ABCG2: variants seen among roughly 807,000 people sequenced by gnomAD.
ABCG2 encodes broad substrate specificity ATP-binding cassette transporter ABCG2.
A neutral mutation model predicts 73.5 loss-of-function variants in ABCG2; 80 were observed. That is an observed-to-expected ratio of 1.09 (90% confidence interval 0.91 to 1.31). The LOEUF (loss-of-function observed/expected upper bound fraction) is 1.31. Ranked by LOEUF, ABCG2 falls within the 50% of genes most tolerant of loss-of-function variation. The probability of loss-of-function intolerance (pLI) is 0.00; values close to 1 mark genes in which losing one functional copy is unlikely to be tolerated. For synonymous variants in ABCG2, 269 were observed against 282.4 expected, an observed-to-expected ratio of 0.95 and a Z score of 0.48; for missense variants, 796 against 786.2, an observed-to-expected ratio of 1.01 and a Z score of -0.15.
intron 15 of ABCG2, among the ~76,000 whole-genome samples, chr4:88,094,009 A>G (rs1721819583): frequency 6.6e-6 from 1 of 152,188 alleles, no homozygotes; most frequent in Non-Finnish European, 1.5e-5. Context: ...TAATTTAAAA[A>G]CAACAACACA....
intron 1 of ABCG2, among the ~76,000 whole-genome samples, chr4:88,148,519 C>T (rs930965807): frequency 3.9e-5 from 6 of 152,224 alleles, no homozygotes; most frequent in Non-Finnish European, 8.8e-5. Flanking sequence ...TCTGGAGGGT[C>T]CCTGACTGCA....
upstream of ABCG2, among the ~76,000 whole-genome samples, chr4:88,161,107 A>C (rs187648454): frequency 2.5e-3 from 376 of 152,092 alleles, 3 homozygotes; most frequent in African/African-American, 8.6e-3. Flanking sequence ...TGAGCCCAAG[A>C]ATTCGAGACA....
At chr4:88,128,338 T>C (rs1441205797) in intron 5 of ABCG2, among the ~76,000 whole-genome samples, 4 of 152,202 alleles carry the variant, frequency 2.6e-5, no homozygotes, top group African/African-American at 9.6e-5. Context: ...TGTAAATTAG[T>C]TCAACCATTG....
At chr4:88,106,276 TACAGAC>T (rs1722762829) in intron 10 of ABCG2, among the ~76,000 whole-genome samples, 1 of 152,180 alleles carries the variant, frequency 6.6e-6, no homozygotes. Flanking sequence ...TAGCTGGGAC[TACAGAC>T]ACATGCCACC....
chr4:88,203,944 A>G (rs1729282130), intron 1 of ABCG2, among the ~76,000 whole-genome samples: 1 of 152,168 alleles, frequency 6.6e-6, no homozygotes, highest in African/African-American at 2.4e-5. Context: ...TCTTAAAGCC[A>G]CAGCTGGACC....
Position 88,092,177 on chromosome 4 carries a change from T to G in ABCG2, c.*57A>C. ...CAACAAAAAAACTTGATTGAATACT[T>G]CAATCAAAGTGCTTCTTTTTTATGT... is the stretch of plus-strand genomic sequence containing the variant. On this transcript the variant is annotated 3_prime_UTR_variant, in exon 16 of 16. Transcript: ENST00000237612. The G allele has an allele frequency of 6.7e-7, 1 of 1,499,450 alleles. No individual in the cohort carries two copies. The highest frequency in any genetic ancestry group is 1.4e-5 in the African/African-American group (1 of 70,562). 92.9% of individuals were successfully genotyped at this position (1,499,450 alleles called of 1,614,324 possible).
chr4:88,126,020 A>C (rs1393525028), intron 5 of ABCG2, among the ~76,000 whole-genome samples: 2 of 152,160 alleles, frequency 1.3e-5, no homozygotes, highest in African/African-American at 4.8e-5. Flanking sequence ...AGTTTAATAG[A>C]ATACATAGAC....
chr4:88,202,425 T>C (rs1054329086), intron 1 of ABCG2, among the ~76,000 whole-genome samples: 3 of 141,882 alleles, frequency 2.1e-5, no homozygotes, highest in Non-Finnish European at 3.0e-5. Context: ...ACTTTCTCCT[T>C]AAGGTCCTTG....
intron 5 of ABCG2, among the ~76,000 whole-genome samples, chr4:88,122,212 G>T (rs935617117): frequency 2.0e-5 from 3 of 152,108 alleles, no homozygotes; most frequent in African/African-American, 7.2e-5. Flanking sequence ...CCAGGGCCCT[G>T]GGTTTCAAAC....
chr4:88,115,252 C>CTATA (rs1459483704), intron 7 of ABCG2, among the ~76,000 whole-genome samples, 194 bp from the exon 8 acceptor site: 2 of 79,906 alleles, frequency 2.5e-5, no homozygotes, highest in African/African-American at 8.6e-5. Flanking sequence ...CTCTCTCTCT[C>CTATA]TCTCTATATA....
intron 1 of ABCG2, among the ~76,000 whole-genome samples, chr4:88,212,312 G>A (rs573839317): frequency 4.2e-4 from 64 of 152,156 alleles, no homozygotes; most frequent in African/African-American, 1.5e-3. Context: ...GACTACCCCT[G>A]CATGGTTGCT....
chr4:88,165,657 C>T (rs570215704), intron 1 of ABCG2, among the ~76,000 whole-genome samples: 54 of 152,274 alleles, frequency 3.5e-4, no homozygotes, highest in South Asian at 1.9e-3. Flanking sequence ...GGGTGGATTA[C>T]GAGGTCAGGA....
chr4:88,115,256 C>CTCTCTCTCTCTCTATATATA (rs1309360818), intron 7 of ABCG2, among the ~76,000 whole-genome samples, 198 bp from the exon 8 acceptor site: 1 of 69,868 alleles, frequency 1.4e-5, no homozygotes, highest in Non-Finnish European at 2.6e-5. Flanking sequence ...CTCTCTCTCT[C>CTCTCTCTCTCTCTATATATA]TATATATATA....
chr4:88,149,482 T>A (rs1227880138), intron 1 of ABCG2, among the ~76,000 whole-genome samples: 1 of 152,208 alleles, frequency 6.6e-6, no homozygotes, highest in Non-Finnish European at 1.5e-5. Context: ...GGGTTTCAGC[T>A]CCTTCTCCCC....
At chr4:88,181,030 T>C (rs1728211602) in intron 1 of ABCG2, among the ~76,000 whole-genome samples, 1 of 152,010 alleles carries the variant, frequency 6.6e-6, no homozygotes, top group Admixed American at 6.6e-5. Context: ...GGGGATAAAG[T>C]TAAGTGTAGC....
chr4:88,100,191 TAAA>T (rs35345062), intron 11 of ABCG2, among the ~76,000 whole-genome samples: 8 of 142,972 alleles, frequency 5.6e-5, no homozygotes, highest in African/African-American at 1.3e-4. Context: ...ACAAAAAAAT[TAAA>T]AAAAAAAAAA....
chr4:88,103,448 T>C (rs1272949900), intron 10 of ABCG2, among the ~76,000 whole-genome samples: 1 of 152,224 alleles, frequency 6.6e-6, no homozygotes, highest in Non-Finnish European at 1.5e-5. Flanking sequence ...ATTTTTTAAA[T>C]TATAAATTGG....
At chr4:88,210,617 G>A (rs1237805390) in intron 1 of ABCG2, among the ~76,000 whole-genome samples, 2 of 148,980 alleles carry the variant, frequency 1.3e-5, no homozygotes, top group African/African-American at 4.9e-5. Context: ...CTAAGAGATG[G>A]GATCTTGCTC....
At chr4:88,149,951 C>T (rs903803711) in intron 1 of ABCG2, among the ~76,000 whole-genome samples, 6 of 152,048 alleles carry the variant, frequency 3.9e-5, no homozygotes, top group Admixed American at 2.6e-4. Context: ...ATAAACATCC[C>T]GGCCCTCAGT....
Sources: gnomAD v4.1 joint callset for allele counts (sites outside exome capture counted in the v4.1 genomes callset) on GRCh38, gnomAD v4.1.1 for gene constraint, MANE v1.5 for transcripts, NCBI Gene and HGNC (gene_info 2026-07-23, HGNC 2026-07-21) for gene names.